The following N4BP2 variants were observed in gnomAD, a reference collection of about 807,000 sequenced individuals.
N4BP2 encodes NEDD4-binding protein 2.
A neutral mutation model predicts 152.8 loss-of-function variants in N4BP2; 91 were observed. That is an observed-to-expected ratio of 0.60 (90% CI 0.50 to 0.71). The LOEUF (loss-of-function observed/expected upper bound fraction) is 0.71, where lower values mean the gene tolerates loss of function less well. Ranked by LOEUF, N4BP2 falls within the 30% of genes least tolerant of loss-of-function variation. The pLI is 0.00. For missense variants in N4BP2, 1,923 were observed against 2,059.1 expected (o/e 0.93, Z 1.28); for synonymous variants, 646 against 705.3 (o/e 0.92, Z 1.33).
the N4BP2 span, among the ~76,000 whole-genome samples, chr4:40,173,072 C>T: frequency 1.1e-3 from 169 of 152,180 alleles, no homozygotes; most frequent in African/African-American, 3.9e-3. Context: ...ACCCCCAGCC[C>T]AGAATAAAAA....
chr4:40,134,741 T>C (rs1719201297), intron 13 of N4BP2, among the ~76,000 whole-genome samples: 1 of 152,118 alleles, frequency 6.6e-6, no homozygotes, highest in Non-Finnish European at 1.5e-5. Context: ...GTGGAACTGG[T>C]AGTTGCACAT....
At chr4:40,093,385 C>A (rs927395096) in intron 2 of N4BP2, among the ~76,000 whole-genome samples, 1 of 151,946 alleles carries the variant, frequency 6.6e-6, no homozygotes, top group East Asian at 1.9e-4. Context: ...ATAGATTTTC[C>A]TGTAATCACT....
At chr4:40,151,188 G>A (rs1483889672) in intron 16 of N4BP2, among the ~76,000 whole-genome samples, 5 of 152,214 alleles carry the variant, frequency 3.3e-5, no homozygotes, top group Admixed American at 1.3e-4. Context: ...GGTGATAATC[G>A]TATAAATGAC....
rs144683847 is a variant in N4BP2 at position 40,148,949 on chromosome 4, G to A, written c.5144-3831G>A. On this transcript the variant is annotated intron_variant, in intron 16 of 17. Coordinates refer to ENST00000261435, the MANE Select transcript of N4BP2 (RefSeq NM_018177.6). Reference sequence around the variant, plus strand: ...CTAAGAAAAAAAAAATTGAAAAATCGAAAAACAGAAAAATGAAATGGAAAG... The same window carrying A: ...CTAAGAAAAAAAAAATTGAAAAATCAAAAAACAGAAAAATGAAATGGAAAG... Among the ~76,000 whole-genome samples, 446 of 152,100 alleles carry A rather than the reference G, an allele frequency of 2.9e-3. 4 individuals are homozygous for A. Among genetic ancestry groups the A allele is most frequent in the African/African-American group, 9.7e-3 (404 of 41,444 alleles).
At chr4:40,181,824 C>T in the N4BP2 span, among the ~76,000 whole-genome samples, 3 of 152,188 alleles carry the variant, frequency 2.0e-5, no homozygotes, top group African/African-American at 4.8e-5. Flanking sequence ...TGGCACACAC[C>T]GGTAGTCCCA....
chr4:40,084,040 ACCTCCC>A (rs2109924638), intron 2 of N4BP2, among the ~76,000 whole-genome samples: 1 of 149,370 alleles, frequency 6.7e-6, no homozygotes, highest in East Asian at 2.0e-4. Flanking sequence ...GCTCACTGCA[ACCTCCC>A]CCTCCTGGGT....
chr4:40,164,384 G>A, the N4BP2 span, among the ~76,000 whole-genome samples: 17 of 152,200 alleles, frequency 1.1e-4, no homozygotes, highest in East Asian at 1.2e-3. Flanking sequence ...GATGGTAGTC[G>A]GAGTGGAGAA....
At chr4:40,099,103 CA>C in intron 3 of N4BP2, among the ~76,000 whole-genome samples, 1 of 152,110 alleles carries the variant, frequency 6.6e-6, no homozygotes, top group African/African-American at 2.4e-5. Flanking sequence ...TCTTGCGTCA[CA>C]GGGTAAGAAC....
At chr4:40,152,708 G>C in intron 16 of N4BP2, 72 bp from the exon 17 acceptor site, 1 of 1,551,522 alleles carries the variant, frequency 6.4e-7, no homozygotes, top group Non-Finnish European at 8.8e-7. Flanking sequence ...TGCTTGAGTA[G>C]CTAAGGTTTA....
chr4:40,124,299 C>T (rs767665900), intron 11 of N4BP2, 94 bp downstream of exon 11: 19 of 747,628 alleles, frequency 2.5e-5, no homozygotes, highest in South Asian at 6.5e-5. Flanking sequence ...CCACAAAATA[C>T]GGTACCCACA....
Position 40,126,263 on chromosome 4 carries a change from A to T in N4BP2, c.4460A>T (p.Gln1487Leu). The T allele has an allele frequency of 6.3e-7, 1 of 1,598,560 alleles. No homozygotes were observed. The highest frequency in any genetic ancestry group is 8.5e-7 in the Non-Finnish European group (1 of 1,172,692). ...MLPLLDHWNTQTKKVSLREIM... is the reference protein window; with the variant it reads ...MLPLLDHWNTLTKKVSLREIM... ...CCTTTATTGGATCATTGGAATACTCAAACTAAAAAAGTATCACTCAGAGAA... is the reference window on the plus strand; with the variant it reads ...CCTTTATTGGATCATTGGAATACTCTAACTAAAAAAGTATCACTCAGAGAA... Residue 1487 changes from glutamine to leucine, a missense_variant, in exon 12 of 18, where the codon CAA becomes CTA. Coordinates refer to ENST00000261435, the MANE Select transcript of N4BP2 (RefSeq NM_018177.6).
At chr4:40,186,645 T>A in the N4BP2 span, among the ~76,000 whole-genome samples, 1 of 152,382 alleles carries the variant, frequency 6.6e-6, no homozygotes, top group South Asian at 2.1e-4. Context: ...CCAAATTCGT[T>A]TTGTAACCTG....
chr4:40,119,857 A>T, intron 8 of N4BP2, 75 bp from the exon 9 acceptor site: 1 of 680,286 alleles, frequency 1.5e-6, no homozygotes, highest in South Asian at 2.6e-5. Context: ...CTGTCAATTA[A>T]TGCTTCTTTA....
the N4BP2 span, among the ~76,000 whole-genome samples, chr4:40,187,329 C>A: frequency 1.3e-5 from 2 of 151,974 alleles, no homozygotes; most frequent in African/African-American, 4.8e-5. Context: ...AGCCAAAAAT[C>A]TGTACACATT....
intron 13 of N4BP2, among the ~76,000 whole-genome samples, chr4:40,136,159 C>T (rs999523787): frequency 2.0e-5 from 3 of 151,978 alleles, no homozygotes; most frequent in African/African-American, 7.3e-5. Flanking sequence ...TGACTAAAAT[C>T]CCATGGTAAA....
intron 1 of N4BP2, among the ~76,000 whole-genome samples, chr4:40,061,522 G>A (rs1483958234): frequency 2.6e-5 from 4 of 151,554 alleles, no homozygotes; most frequent in Non-Finnish European, 4.4e-5. Context: ...GCACCACCAC[G>A]CCCAGCTAAG....
At chr4:40,087,781 G>T (rs1246407152) in intron 2 of N4BP2, among the ~76,000 whole-genome samples, 1 of 151,684 alleles carries the variant, frequency 6.6e-6, no homozygotes, top group Non-Finnish European at 1.5e-5. Context: ...GAGATGGAGT[G>T]TCTCTCTGTT....
chr4:40,088,501 A>G (rs1167520693), intron 2 of N4BP2, among the ~76,000 whole-genome samples: 1 of 129,380 alleles, frequency 7.7e-6, no homozygotes, highest in Non-Finnish European at 1.7e-5. Context: ...ATCTCATTAT[A>G]GTTTTTTTTT....
chr4:40,120,576 C>T lies in N4BP2; in HGVS notation c.2465C>T (p.Pro822Leu), dbSNP rs1432654366. The change falls in exon 9 of 18, where the codon CCT becomes CTT. Residue 822 changes from proline to leucine, a missense_variant. Transcript: ENST00000261435. ...SVQSDKKYNYPQSHKLVNSVS... is the reference protein window; with the variant it reads ...SVQSDKKYNYLQSHKLVNSVS... ...CAAAGCGACAAAAAGTATAATTACC[C>T]TCAGTCACACAAATTAGTTAACAGT... 1 of 1,613,992 alleles carries T rather than the reference C, an allele frequency of 6.2e-7. No homozygotes were observed. The highest frequency in any genetic ancestry group is 8.5e-7 in the Non-Finnish European group (1 of 1,180,020).
Sources: gnomAD v4.1 joint callset for allele counts (sites outside exome capture counted in the v4.1 genomes callset) on GRCh38, gnomAD v4.1.1 for gene constraint, MANE v1.5 for transcripts, NCBI Gene and HGNC (gene_info 2026-07-23, HGNC 2026-07-21) for gene names.